CNTNAP2: variants seen among roughly 807,000 people sequenced by gnomAD.
The protein encoded by CNTNAP2 is contactin-associated protein-like 2.
A neutral mutation model predicts 155.2 loss-of-function variants in CNTNAP2; 98 were observed. The observed-to-expected ratio is 0.63, with a 90% CI of 0.54 to 0.75. CNTNAP2 has a LOEUF of 0.75. CNTNAP2 is among the 30% of genes least tolerant of loss of function. CNTNAP2 has a pLI of 0.00. For missense variants in CNTNAP2, 1,727 were observed against 1,688.1 expected (o/e 1.02, Z -0.40); for synonymous variants, 651 against 631.2 (o/e 1.03, Z -0.47).
chr7:146,798,937 T>C (rs1316202068), intron 2 of CNTNAP2, among the ~76,000 whole-genome samples: 2 of 152,044 alleles, frequency 1.3e-5, no homozygotes, highest in Non-Finnish European at 1.5e-5. Flanking sequence ...TTTGAGTACA[T>C]TATGTGAGCT....
At chr7:148,119,467 C>A (rs572062011) in intron 16 of CNTNAP2, among the ~76,000 whole-genome samples, 1 of 152,076 alleles carries the variant, frequency 6.6e-6, no homozygotes, top group African/African-American at 2.4e-5. Flanking sequence ...ACCCGGGAGG[C>A]GGAGCTTGCA....
At chr7:148,044,205 ATTT>A (rs55884389) in intron 15 of CNTNAP2, among the ~76,000 whole-genome samples, 47,139 of 137,770 alleles carry the variant, frequency 0.34, 7,959 homozygotes, top group East Asian at 0.71. Flanking sequence ...CTTAGGTTGT[ATTT>A]TTTTTTTTTT....
At chr7:147,189,558 T>G (rs1802636080) in intron 8 of CNTNAP2, among the ~76,000 whole-genome samples, 1 of 152,210 alleles carries the variant, frequency 6.6e-6, no homozygotes, top group Admixed American at 6.5e-5. Context: ...TGTTTATATA[T>G]AAATAACTCT....
At chr7:147,676,140 A>T (rs1229814196) in intron 13 of CNTNAP2, among the ~76,000 whole-genome samples, 2 of 151,828 alleles carry the variant, frequency 1.3e-5, no homozygotes, top group Non-Finnish European at 2.9e-5. Flanking sequence ...AGCAGAAGTT[A>T]CAAAAGAGAA....
intron 21 of CNTNAP2, among the ~76,000 whole-genome samples, chr7:148,273,488 C>A (rs941824637): frequency 2.0e-5 from 3 of 152,198 alleles, no homozygotes; most frequent in Admixed American, 2.0e-4. Flanking sequence ...AATTTTATTT[C>A]TGAGCCCTCT....
intron 14 of CNTNAP2, among the ~76,000 whole-genome samples, chr7:147,931,554 G>A (rs2116799239): frequency 6.6e-6 from 1 of 152,230 alleles, no homozygotes; most frequent in Middle Eastern, 3.4e-3. Flanking sequence ...TAAAATACTA[G>A]CAAACCAAAT....
chr7:146,241,858 A>G (rs1001128630), intron 1 of CNTNAP2, among the ~76,000 whole-genome samples: 5 of 151,894 alleles, frequency 3.3e-5, no homozygotes, highest in Non-Finnish European at 7.4e-5. Flanking sequence ...GCACACACAC[A>G]AACATATATA....
chr7:146,686,232 G>T lies in CNTNAP2; in HGVS notation c.98-88039G>T, dbSNP rs114636628. Among the ~76,000 whole-genome samples, 632 of 152,204 alleles carry T rather than the reference G, an allele frequency of 4.2e-3. 1 individual carries two copies. Among genetic ancestry groups the T allele is most frequent in the African/African-American group, 0.015 (607 of 41,546 alleles). On this transcript the variant is annotated intron_variant, in intron 1 of 23. Coordinates refer to ENST00000361727, the MANE Select transcript of CNTNAP2 (RefSeq NM_014141.6). ...GATCCCTTGAACCCAGGAGGTGAAG[G>T]CTGTTGTGAGCTGTGATTGCACACT...
chr7:148,245,403 G>C (rs962714744), intron 20 of CNTNAP2, among the ~76,000 whole-genome samples: 1 of 152,182 alleles, frequency 6.6e-6, no homozygotes, highest in African/African-American at 2.4e-5. Flanking sequence ...CCTGCAGTTC[G>C]CCTCCAGGAA....
chr7:147,239,766 T>C (rs1803897742), intron 8 of CNTNAP2, among the ~76,000 whole-genome samples: 1 of 152,220 alleles, frequency 6.6e-6, no homozygotes, highest in Non-Finnish European at 1.5e-5. Flanking sequence ...TCCATGAATC[T>C]ACAACATACC....
intron 3 of CNTNAP2, among the ~76,000 whole-genome samples, chr7:146,911,868 T>C (rs1205288269): frequency 1.3e-5 from 2 of 152,150 alleles, no homozygotes; most frequent in African/African-American, 4.8e-5. Context: ...AACCATTATA[T>C]ATAATACATG....
intron 8 of CNTNAP2, among the ~76,000 whole-genome samples, chr7:147,265,611 G>C (rs1056807313): frequency 6.6e-6 from 1 of 152,168 alleles, no homozygotes; most frequent in Non-Finnish European, 1.5e-5. Context: ...CAGCTCAGAC[G>C]AGTGGGTTTC....
chr7:147,716,535 A>G (rs758131945), intron 13 of CNTNAP2, among the ~76,000 whole-genome samples: 4 of 152,106 alleles, frequency 2.6e-5, no homozygotes, highest in African/African-American at 9.7e-5. Flanking sequence ...GAGCTGAGCC[A>G]TGTTGCCAAT....
chr7:146,881,204 C>T (rs1478379404), intron 3 of CNTNAP2, among the ~76,000 whole-genome samples: 1 of 152,160 alleles, frequency 6.6e-6, no homozygotes, highest in African/African-American at 2.4e-5. Context: ...GGTATTTTAA[C>T]CTACAGGAAA....
intron 9 of CNTNAP2, among the ~76,000 whole-genome samples, chr7:147,304,661 G>T (rs1163810224): frequency 1.3e-5 from 2 of 152,270 alleles, no homozygotes; most frequent in Non-Finnish European, 2.9e-5. Flanking sequence ...GAAGGCAAGA[G>T]AAAAAGAAAG....
intron 15 of CNTNAP2, among the ~76,000 whole-genome samples, chr7:148,033,417 C>T (rs1304455482): frequency 6.6e-6 from 1 of 150,978 alleles, no homozygotes; most frequent in Non-Finnish European, 1.5e-5. Context: ...ACATAGGTTA[C>T]ATGTGCCATG....
At chr7:147,065,440 T>C (rs1799760078) in intron 4 of CNTNAP2, among the ~76,000 whole-genome samples, 1 of 152,212 alleles carries the variant, frequency 6.6e-6, no homozygotes, top group East Asian at 1.9e-4. Context: ...ATTGGGGCAG[T>C]GTAATTCTTA....
chr7:148,235,338 G>T (rs1796025055), intron 20 of CNTNAP2, among the ~76,000 whole-genome samples: 1 of 152,180 alleles, frequency 6.6e-6, no homozygotes, highest in Non-Finnish European at 1.5e-5. Context: ...AGAAGTAGAA[G>T]AAAGGATACA....
chr7:146,338,651 T>G lies in CNTNAP2; in HGVS notation c.97+221678T>G, dbSNP rs1801321012. 2.6e-5 allele frequency among the ~76,000 whole-genome samples: 4 copies of G among 152,128 alleles called. No homozygotes were observed. In the South Asian group the frequency reaches 8.3e-4, roughly 32 times the overall value. ...GCTCAACATTTGCTCAGCTGGTGTT[T>G]ACCTACGAAGCCTTCTTATTCCTTA... On this transcript the variant is annotated intron_variant, in intron 1 of 23. Transcript: ENST00000361727.
Sources: allele counts gnomAD v4.1 joint callset (sites outside exome capture counted in the v4.1 genomes callset), GRCh38; gene constraint gnomAD v4.1.1; transcripts MANE v1.5; gene names NCBI Gene and HGNC (gene_info 2026-07-23, HGNC 2026-07-21).